The following LPAR3 variants were observed in gnomAD, a reference collection of about 807,000 sequenced individuals.
The protein encoded by LPAR3 is lysophosphatidic acid receptor 3.
Under a neutral mutation model 17.8 loss-of-function variants are expected in LPAR3, and 7 were observed. The ratio of observed to expected loss-of-function variants is 0.39; its 90% CI spans 0.22 to 0.74. The LOEUF (loss-of-function observed/expected upper bound fraction) is 0.74, where lower values mean the gene tolerates loss of function less well. LPAR3 is among the 30% of genes least tolerant of loss of function. LPAR3 has a pLI of 0.40. For synonymous variants in LPAR3, 179 were observed against 179.9 expected (o/e 0.99, Z 0.04); for missense variants, 391 against 453.4 (o/e 0.86, Z 1.25).
At chr1:84,874,394 A>T (rs1287081230) in intron 1 of LPAR3, among the ~76,000 whole-genome samples, 1 of 152,206 alleles carries the variant, frequency 6.6e-6, no homozygotes, top group African/African-American at 2.4e-5. Flanking sequence ...GTTCTCTCCC[A>T]ATCAAGTGGG....
At chr1:84,815,242 A>G (rs1557587256) in intron 2 of LPAR3, among the ~76,000 whole-genome samples, 1 of 152,170 alleles carries the variant, frequency 6.6e-6, no homozygotes, top group African/African-American at 2.4e-5. Flanking sequence ...GCCCTGGGCC[A>G]CTATATGACC....
chr1:84,828,693 C>A (rs1210146631), intron 2 of LPAR3, among the ~76,000 whole-genome samples: 1 of 152,156 alleles, frequency 6.6e-6, no homozygotes, highest in Non-Finnish European at 1.5e-5. Flanking sequence ...TCTTTTCTCA[C>A]ATGTTCTTCT....
intron 1 of LPAR3, among the ~76,000 whole-genome samples, chr1:84,880,609 A>T (rs1660346294): frequency 6.6e-6 from 1 of 152,214 alleles, no homozygotes; most frequent in South Asian, 2.1e-4. Context: ...AGGCAGAGAG[A>T]TGAGCCAAGC....
At chr1:84,864,146 A>G (rs1010752249) in intron 2 of LPAR3, among the ~76,000 whole-genome samples, 26 of 151,494 alleles carry the variant, frequency 1.7e-4, no homozygotes, top group African/African-American at 5.8e-4. Flanking sequence ...CAGGAGGTGG[A>G]GGTTGCAGTG....
chr1:84,830,189 T>A (rs1032574392), intron 2 of LPAR3, among the ~76,000 whole-genome samples: 2 of 152,210 alleles, frequency 1.3e-5, no homozygotes, highest in African/African-American at 4.8e-5. Context: ...CTCGTTCTGA[T>A]TCTCTTCAAA....
intron 2 of LPAR3, among the ~76,000 whole-genome samples, chr1:84,816,913 G>A (rs1343757798): frequency 6.6e-6 from 1 of 152,142 alleles, no homozygotes; most frequent in Non-Finnish European, 1.5e-5. Flanking sequence ...CTCTGCAATA[G>A]CCCAGGAAAA....
chr1:84,889,035 G>C (rs1255285808), intron 1 of LPAR3, among the ~76,000 whole-genome samples: 1 of 152,104 alleles, frequency 6.6e-6, no homozygotes, highest in Non-Finnish European at 1.5e-5. Flanking sequence ...GAGTAGGGCA[G>C]TATCAGGGGT....
chr1:84,881,278 T>G (rs1475303002), intron 1 of LPAR3, among the ~76,000 whole-genome samples: 1 of 152,128 alleles, frequency 6.6e-6, no homozygotes, highest in African/African-American at 2.4e-5. Context: ...CTGGGTCAGA[T>G]GCAGGCGCAT....
At chr1:84,869,094 A>G (rs1305615895) in intron 1 of LPAR3, among the ~76,000 whole-genome samples, 1 of 152,206 alleles carries the variant, frequency 6.6e-6, no homozygotes, top group Non-Finnish European at 1.5e-5. Flanking sequence ...TTAAGACACT[A>G]CAAAAATACT....
intron 2 of LPAR3, among the ~76,000 whole-genome samples, chr1:84,821,064 T>G (rs906928990): frequency 3.3e-5 from 5 of 151,430 alleles, no homozygotes; most frequent in African/African-American, 9.7e-5. Context: ...AAATGTACAC[T>G]ATTTCTTACT....
chr1:84,844,460 A>G (rs113550246), intron 2 of LPAR3, among the ~76,000 whole-genome samples: 128 of 152,358 alleles, frequency 8.4e-4, no homozygotes, highest in African/African-American at 3.0e-3. Context: ...ATTTAGAGAT[A>G]GCTTAACAAA....
At chr1:84,817,261 T>TCACACACACACA (rs71097861) in intron 2 of LPAR3, among the ~76,000 whole-genome samples, 10,097 of 147,412 alleles carry the variant, frequency 0.068, 383 homozygotes, top group Non-Finnish European at 0.08. Flanking sequence ...CCAGGATCTA[T>TCACACACACACA]CACACACACA....
At chr1:84,835,426 T>C (rs1297343529) in intron 2 of LPAR3, among the ~76,000 whole-genome samples, 2 of 152,192 alleles carry the variant, frequency 1.3e-5, no homozygotes, top group Non-Finnish European at 2.9e-5. Flanking sequence ...TTACTCATCT[T>C]TGTGGAGTTG....
intron 2 of LPAR3, among the ~76,000 whole-genome samples, chr1:84,832,714 C>T (rs1361392490): frequency 6.7e-6 from 1 of 149,746 alleles, no homozygotes; most frequent in South Asian, 2.1e-4. Flanking sequence ...TTCCAGTGCA[C>T]GTTTCACCCA....
At chr1:84,846,098 C>T (rs1207838291) in intron 2 of LPAR3, among the ~76,000 whole-genome samples, 1 of 152,022 alleles carries the variant, frequency 6.6e-6, no homozygotes, top group Non-Finnish European at 1.5e-5. Context: ...ATCAATTTCC[C>T]GGTACCACAG....
chr1:84,857,237 G>C (rs1659846842), intron 2 of LPAR3, among the ~76,000 whole-genome samples: 2 of 152,162 alleles, frequency 1.3e-5, no homozygotes, highest in Non-Finnish European at 2.9e-5. Context: ...TGGCTCTTTA[G>C]AATCAAACTA....
rs567399078 is a variant in LPAR3, at chr1:84,851,119, G to A, written c.736+14266C>T. ...ATAATGGCAGCATCACCTTCTAAGA[G>A]GATTAAACAGAGTATGTATAAATGC... On this transcript the variant is annotated intron_variant, in intron 2 of 2. Transcript: ENST00000370611. Among the ~76,000 whole-genome samples the A allele has an allele frequency of 5.3e-5, 8 of 152,328 alleles. No individual in the cohort carries two copies. The South Asian group carries it at 1.2e-3, about 24-fold the overall frequency.
At chr1:84,817,527 G>A (rs1206526442) in intron 2 of LPAR3, among the ~76,000 whole-genome samples, 1 of 152,162 alleles carries the variant, frequency 6.6e-6, no homozygotes, top group African/African-American at 2.4e-5. Context: ...AGGAGGCTTG[G>A]AACAGCTGTT....
At chr1:84,880,569 G>C (rs1015669805) in intron 1 of LPAR3, among the ~76,000 whole-genome samples, 1 of 152,198 alleles carries the variant, frequency 6.6e-6, no homozygotes, top group African/African-American at 2.4e-5. Context: ...CCATGCTGCA[G>C]AGGACCTCAG....
Sources: gnomAD v4.1 joint callset for allele counts (sites outside exome capture counted in the v4.1 genomes callset) on GRCh38, gnomAD v4.1.1 for gene constraint, MANE v1.5 for transcripts, NCBI Gene and HGNC (gene_info 2026-07-23, HGNC 2026-07-21) for gene names.